The following NDFIP1 variants were observed in gnomAD, a reference collection of about 807,000 sequenced individuals.
The protein encoded by NDFIP1 is NEDD4 family-interacting protein 1.
A neutral mutation model predicts 28.8 loss-of-function variants in NDFIP1; 7 were observed. The ratio of observed to expected loss-of-function variants is 0.24; its 90% CI spans 0.14 to 0.46. The LOEUF (loss-of-function observed/expected upper bound fraction) is 0.46. NDFIP1 is among the 20% of genes least tolerant of loss of function. The pLI is 0.99. For synonymous variants in NDFIP1, 92 were observed against 101.0 expected (o/e 0.91, Z 0.53); for missense variants, 194 against 269.1 (o/e 0.72, Z 1.95).
intron 7 of NDFIP1, among the ~76,000 whole-genome samples, chr5:142,150,593 T>C (rs1047402958): frequency 6.6e-6 from 1 of 151,952 alleles, no homozygotes; most frequent in Non-Finnish European, 1.5e-5. Context: ...GGCATAGTGG[T>C]GCACGCCTGT....
chr5:142,127,270 CCTCCCAAAGTG>C (rs1414728112), intron 1 of NDFIP1, among the ~76,000 whole-genome samples: 1 of 152,180 alleles, frequency 6.6e-6, no homozygotes, highest in Admixed American at 6.5e-5. Context: ...CCCACCTCAG[CCTCCCAAAGTG>C]CTGGGATTAC....
intron 4 of NDFIP1, among the ~76,000 whole-genome samples, chr5:142,137,099 G>T (rs1249047659): frequency 2.0e-5 from 3 of 151,068 alleles, no homozygotes; most frequent in Non-Finnish European, 1.5e-5. Flanking sequence ...AAAAGCAGAG[G>T]TTGTAAGTAT....
Position 142,150,098 on chromosome 5 carries a change from A to G in NDFIP1, c.*3-1633A>G, listed in dbSNP as rs1757429496. Among the ~76,000 whole-genome samples the G allele has an allele frequency of 2.0e-5, 3 of 151,850 alleles. No individual in the cohort carries two copies. The South Asian group carries it at 6.2e-4, about 32-fold the overall frequency. On this transcript the variant is annotated intron_variant, in intron 7 of 7. Transcript: ENST00000253814. ...CGGGAGGCTGAGGCAGGAGAACAGC[A>G]TGAACCCGGGGGGCGGAGCTTGCAG...
intron 1 of NDFIP1, among the ~76,000 whole-genome samples, chr5:142,130,734 C>T (rs1340478559): frequency 1.3e-5 from 2 of 151,454 alleles, no homozygotes; most frequent in Non-Finnish European, 2.9e-5. Context: ...ATATTCACTA[C>T]AAAATATTTG....
intron 3 of NDFIP1, among the ~76,000 whole-genome samples, chr5:142,134,380 C>G (rs912268028): frequency 6.6e-6 from 1 of 152,124 alleles, no homozygotes; most frequent in Admixed American, 6.5e-5. Context: ...TTAATTTTGG[C>G]AAAACCTTAT....
At chr5:142,126,183 G>A (rs1757168723) in intron 1 of NDFIP1, among the ~76,000 whole-genome samples, 1 of 152,182 alleles carries the variant, frequency 6.6e-6, no homozygotes, top group African/African-American at 2.4e-5. Context: ...CAAAAGAAAT[G>A]TGCTTGTTTA....
chr5:142,132,064 T>C (rs1343766315), intron 2 of NDFIP1, 148 bp from the exon 3 acceptor site: 2 of 1,078,216 alleles, frequency 1.9e-6, no homozygotes, highest in African/African-American at 1.6e-5. Context: ...CCCCAGTCTC[T>C]TACATTCATC....
At chr5:142,128,585 C>T (rs1342109906) in intron 1 of NDFIP1, among the ~76,000 whole-genome samples, 1 of 152,112 alleles carries the variant, frequency 6.6e-6, no homozygotes, top group Non-Finnish European at 1.5e-5. Flanking sequence ...TGCCTCTCCC[C>T]GCGATCCCCC....
At chr5:142,144,451 A>T in intron 6 of NDFIP1, 120 bp from the exon 7 acceptor site, 1 of 720,368 alleles carries the variant, frequency 1.4e-6, no homozygotes, top group Admixed American at 2.4e-5. Flanking sequence ...GAAATTGCTA[A>T]TGTTTTGATT....
At chr5:142,142,938 A>ATATATATATATATAT (rs1418610556) in intron 6 of NDFIP1, 2 of 81,320 alleles carry the variant, frequency 2.5e-5, no homozygotes, top group African/African-American at 1.2e-4. Context: ...AAAAAAAAAA[A>ATATATATATATATAT]AAATATATAT....
intron 1 of NDFIP1, among the ~76,000 whole-genome samples, chr5:142,124,832 T>C (rs1205925614): frequency 1.3e-5 from 2 of 151,000 alleles, no homozygotes; most frequent in African/African-American, 4.9e-5. Flanking sequence ...CTTGAAGATT[T>C]TTTTTTTTTT....
chr5:142,149,152 A>G (rs891112467), intron 7 of NDFIP1, among the ~76,000 whole-genome samples: 5 of 152,194 alleles, frequency 3.3e-5, no homozygotes, highest in African/African-American at 1.2e-4. Context: ...AGTGAGCTGT[A>G]CCTATTAGGC....
intron 3 of NDFIP1, 150 bp downstream of exon 3, chr5:142,132,492 A>G: frequency 1.0e-6 from 1 of 991,404 alleles, no homozygotes; most frequent in African/African-American, 1.6e-5. Flanking sequence ...TTGGGATAAT[A>G]AACTCATCTC....
chr5:142,116,050 CTG>C (rs1279985523), intron 1 of NDFIP1, among the ~76,000 whole-genome samples: 2 of 152,100 alleles, frequency 1.3e-5, no homozygotes, highest in African/African-American at 4.8e-5. Context: ...ATTTTGGTAT[CTG>C]TGGGGAGTCC....
intron 6 of NDFIP1, 57 bp from the exon 7 acceptor site, chr5:142,144,514 G>A (rs922071271): frequency 4.8e-6 from 6 of 1,260,528 alleles, no homozygotes; most frequent in Non-Finnish European, 6.9e-6. Context: ...GATTTCTGGG[G>A]AGGGGACTTA....
intron 2 of NDFIP1, 43 bp downstream of exon 2, chr5:142,131,938 T>A: frequency 6.8e-7 from 1 of 1,477,414 alleles, no homozygotes; most frequent in Non-Finnish European, 9.2e-7. Context: ...TTAAAAACAC[T>A]CTGTGCTTTG....
intron 1 of NDFIP1, among the ~76,000 whole-genome samples, chr5:142,111,035 G>A (rs1224522261): frequency 6.6e-6 from 1 of 151,826 alleles, no homozygotes; most frequent in African/African-American, 2.4e-5. Context: ...ATAGGTGTAT[G>A]CATTAGCAGA....
Position 142,125,289 on chromosome 5 carries a change from A to G in NDFIP1, c.64-6519A>G, listed in dbSNP as rs569495767. Among the ~76,000 whole-genome samples, 16 of 152,256 alleles carry G rather than the reference A, an allele frequency of 1.1e-4. No homozygotes were observed. The East Asian group carries it at 2.5e-3, about 24-fold the overall frequency. Reference sequence around the variant, plus strand: ...ATGCTACTGTGAAGATTCATGTACCAGTTTTTGTGTGAACTTGTTTTCAGT... The same window carrying G: ...ATGCTACTGTGAAGATTCATGTACCGGTTTTTGTGTGAACTTGTTTTCAGT... On this transcript the variant is annotated intron_variant, in intron 1 of 7. Coordinates refer to ENST00000253814, the MANE Select transcript of NDFIP1 (RefSeq NM_030571.4).
intron 6 of NDFIP1, among the ~76,000 whole-genome samples, chr5:142,141,036 G>C (rs774368509): frequency 3.9e-4 from 60 of 152,068 alleles, no homozygotes; most frequent in Non-Finnish European, 7.2e-4. Flanking sequence ...ATCTTTGGTG[G>C]GTCTGTCAGT....
Sources: allele counts gnomAD v4.1 joint callset (sites outside exome capture counted in the v4.1 genomes callset), GRCh38; gene constraint gnomAD v4.1.1; transcripts MANE v1.5; gene names NCBI Gene and HGNC (gene_info 2026-07-23, HGNC 2026-07-21).